DLGAP2: variants seen among roughly 807,000 people sequenced by gnomAD.
DLGAP2 encodes disks large-associated protein 2.
A neutral mutation model predicts 100.3 loss-of-function variants in DLGAP2; 26 were observed. The ratio of observed to expected loss-of-function variants is 0.26; its 90% CI spans 0.19 to 0.36. The LOEUF (loss-of-function observed/expected upper bound fraction) is 0.36. Among genes scored for constraint, DLGAP2 ranks in the 10% least tolerant of loss-of-function variants. The pLI, the probability that DLGAP2 is intolerant of heterozygous loss-of-function variation, is 1.00. For missense variants in DLGAP2, 1,858 were observed against 1,453.2 expected (o/e 1.28, Z -4.53); for synonymous variants, 886 against 630.1 (o/e 1.41, Z -6.08).
intron 2 of DLGAP2, among the ~76,000 whole-genome samples, chr8:1,157,614 G>T (rs1796816018): frequency 6.6e-6 from 1 of 152,120 alleles, no homozygotes; most frequent in South Asian, 2.1e-4. Flanking sequence ...TTGTTCTGGG[G>T]CTGTTCTCAC....
rs1237492475 is a variant in DLGAP2, at chr8:759,074, AC to A, written c.18+21255del. 8.0e-4 allele frequency among the ~76,000 whole-genome samples: 57 copies of A among 71,502 alleles called. 1 individual carries two copies. Among genetic ancestry groups the A allele is most frequent in the Non-Finnish European group, 1.1e-3 (34 of 32,168 alleles). 46.9% of individuals were successfully genotyped at this position (71,502 alleles called of 152,430 possible). Reference sequence around the variant, plus strand: ...CCCCCACAACCTTCCCATTATCAATACCCCCCACAGCCTTCCTGTTATCAAT... The same window carrying A: ...CCCCCACAACCTTCCCATTATCAATACCCCCACAGCCTTCCTGTTATCAAT... On this transcript the variant is annotated intron_variant, in intron 1 of 14. Transcript: ENST00000637795.
At chr8:1,027,286 G>C (rs1206377309) in intron 2 of DLGAP2, among the ~76,000 whole-genome samples, 1 of 152,236 alleles carries the variant, frequency 6.6e-6, no homozygotes, top group Non-Finnish European at 1.5e-5. Context: ...GGTGCTGCAG[G>C]TGAGGTGCCG....
At chr8:1,391,641 A>C (rs75021502) in intron 3 of DLGAP2, among the ~76,000 whole-genome samples, 1 of 152,194 alleles carries the variant, frequency 6.6e-6, no homozygotes, top group South Asian at 2.1e-4. Context: ...ACTGCTCTAG[A>C]AGAGGAGATG....
intron 3 of DLGAP2, among the ~76,000 whole-genome samples, chr8:1,448,547 A>C (rs1435382975): frequency 6.6e-6 from 1 of 152,166 alleles, no homozygotes; most frequent in Non-Finnish European, 1.5e-5. Context: ...GTGGTGCTGA[A>C]AAAAATGTAT....
intron 2 of DLGAP2, among the ~76,000 whole-genome samples, chr8:1,215,001 C>G (rs546399949): frequency 3.3e-5 from 5 of 152,192 alleles, no homozygotes; most frequent in African/African-American, 9.6e-5. Context: ...GCTCTTGTAT[C>G]TCACTGCCCA....
chr8:985,991 G>A (rs11775365), intron 2 of DLGAP2, among the ~76,000 whole-genome samples: 25,246 of 152,090 alleles, frequency 0.17, 2,612 homozygotes, highest in Non-Finnish European at 0.24. Context: ...GAGTATGACT[G>A]GTTAGGAAGA....
At chr8:1,585,333 C>G (rs28710116) in intron 6 of DLGAP2, among the ~76,000 whole-genome samples, 86,993 of 151,766 alleles carry the variant, frequency 0.57, 25,824 homozygotes, top group African/African-American at 0.74. Context: ...GCATTTTGGC[C>G]CGTGCCTGTA....
At chr8:1,522,394 A>C (rs534606800) in intron 4 of DLGAP2, among the ~76,000 whole-genome samples, 2 of 152,192 alleles carry the variant, frequency 1.3e-5, no homozygotes, top group Non-Finnish European at 2.9e-5. Context: ...GCCGGGGCCC[A>C]GGGCATCACA....
In DLGAP2 at chr8:1,491,341, G is replaced by GGAAGCTTCGGGCCGCTCCCCCTGACCCCA. The variant is rs1799379450; in HGVS notation, c.107-10023_107-10022insAGCTTCGGGCCGCTCCCCCTGACCCCAGA. Among the ~76,000 whole-genome samples the GGAAGCTTCGGGCCGCTCCCCCTGACCCCA allele has an allele frequency of 2.0e-5, 3 of 147,868 alleles. 1 individual carries two copies. The highest frequency in any genetic ancestry group is 4.4e-4 in the South Asian group (2 of 4,562). On this transcript the variant is annotated intron_variant, in intron 3 of 14. Coordinates refer to ENST00000637795, the MANE Select transcript of DLGAP2 (RefSeq NM_001346810.2). ...CTTTCAGGCCGCTGCTCCTGACCCC[G>GGAAGCTTCGGGCCGCTCCCCCTGACCCCA]GAGGCTTCGGGCCGCTCCCCCTGAC...
At chr8:1,456,996 C>T (rs1303791219) in intron 3 of DLGAP2, among the ~76,000 whole-genome samples, 3 of 152,234 alleles carry the variant, frequency 2.0e-5, no homozygotes, top group Non-Finnish European at 2.9e-5. Flanking sequence ...ATTAGCCTTT[C>T]CCGAGTTCAG....
At chr8:1,298,427 G>C (rs1179391987) in intron 3 of DLGAP2, among the ~76,000 whole-genome samples, 5 of 152,188 alleles carry the variant, frequency 3.3e-5, no homozygotes. Context: ...CTGGATCACA[G>C]TGTGACACGT....
chr8:1,346,442 C>T (rs1030191565), intron 3 of DLGAP2, among the ~76,000 whole-genome samples: 14 of 142,712 alleles, frequency 9.8e-5, no homozygotes, highest in Non-Finnish European at 1.8e-4. Context: ...TACACATCTG[C>T]ATTGCTCTCA....
chr8:1,555,349 C>T lies in DLGAP2; in HGVS notation c.1230+5666C>T, dbSNP rs138464257. Among the ~76,000 whole-genome samples, 72 of 152,316 alleles carry T rather than the reference C, an allele frequency of 4.7e-4. 2 individuals carry two copies. In the East Asian group the frequency reaches 0.013, roughly 27 times the overall value. On this transcript the variant is annotated intron_variant, in intron 5 of 14. Transcript: ENST00000637795. ...AAGCGGTGACCTCCGCTTCCAGGAG[C>T]CACGTGTGCCTGCCCCCCACACTCT... is the stretch of plus-strand genomic sequence containing the variant.
intron 1 of DLGAP2, chr8:738,416 G>A (rs575846011): frequency 6.6e-6 from 1 of 152,250 alleles, no homozygotes; most frequent in Non-Finnish European, 1.5e-5. Context: ...AGTGGAGGGT[G>A]CGCGCAGCGA....
intron 4 of DLGAP2, among the ~76,000 whole-genome samples, chr8:1,506,541 C>A (rs930277989): frequency 6.6e-6 from 1 of 152,182 alleles, no homozygotes; most frequent in African/African-American, 2.4e-5. Flanking sequence ...AAAGAGTGAG[C>A]AACAGCAAGA....
intron 2 of DLGAP2, among the ~76,000 whole-genome samples, chr8:1,104,649 A>G (rs1804696583): frequency 6.6e-6 from 1 of 152,034 alleles, no homozygotes; most frequent in South Asian, 2.1e-4. Flanking sequence ...GCCGCCTGCA[A>G]CCCCGCTTGG....
Position 1,055,597 on chromosome 8 carries a change from G to A in DLGAP2, c.73+147631G>A, listed in dbSNP as rs149454705. Among the ~76,000 whole-genome samples the A allele has an allele frequency of 4.2e-3, 634 of 152,270 alleles. 4 individuals carry two copies. Among genetic ancestry groups the A allele is most frequent in the Admixed American group, 6.7e-3 (103 of 15,286 alleles). The stretch of plus-strand genomic sequence containing the variant: ...CCATCAAATATCTAAAGCCAAGGAC[G>A]CTCGTCTTCTCACTGTTGGACTTCC... On this transcript the variant is annotated intron_variant, in intron 2 of 14. Transcript: ENST00000637795.
At chr8:1,486,416 T>C (rs2130264680) in intron 3 of DLGAP2, among the ~76,000 whole-genome samples, 1 of 152,290 alleles carries the variant, frequency 6.6e-6, no homozygotes, top group East Asian at 1.9e-4. Context: ...ATCTGTGTTG[T>C]TTATAAAGGA....
chr8:1,246,025 G>T (rs1257095908), intron 2 of DLGAP2, among the ~76,000 whole-genome samples: 2 of 152,178 alleles, frequency 1.3e-5, no homozygotes, highest in Admixed American at 1.3e-4. Flanking sequence ...CAAATTTCAT[G>T]TTGATATTTG....
Sources: gnomAD v4.1 joint callset for allele counts (sites outside exome capture counted in the v4.1 genomes callset) on GRCh38, gnomAD v4.1.1 for gene constraint, MANE v1.5 for transcripts, NCBI Gene and HGNC (gene_info 2026-07-23, HGNC 2026-07-21) for gene names.